Variants in SEC24A observed in about 807,000 individuals in gnomAD.
SEC24A encodes protein transport protein Sec24A.
Under a neutral mutation model 129.4 loss-of-function variants are expected in SEC24A, and 93 were observed. The observed-to-expected ratio is 0.72, with a 90% confidence interval of 0.61 to 0.85. The LOEUF is 0.85. Among genes scored for constraint, SEC24A ranks in the 40% least tolerant of loss-of-function variants. The probability of loss-of-function intolerance (pLI) is 0.00; values close to 1 mark genes in which losing one functional copy is unlikely to be tolerated. For synonymous variants in SEC24A, 460 were observed against 467.3 expected, an observed-to-expected ratio of 0.98 and a Z score of 0.20; for missense variants, 1,264 against 1,307.4, an observed-to-expected ratio of 0.97 and a Z score of 0.51.
intron 1 of SEC24A, among the ~76,000 whole-genome samples, chr5:134,653,485 A>G (rs1750135195): frequency 6.6e-6 from 1 of 151,886 alleles, no homozygotes; most frequent in Non-Finnish European, 1.5e-5. Context: ...TCCTGGACTC[A>G]AGTAATCCTC....
chr5:134,655,288 T>C (rs1316609522), intron 1 of SEC24A, among the ~76,000 whole-genome samples: 2 of 152,248 alleles, frequency 1.3e-5, no homozygotes, highest in African/African-American at 4.8e-5. Context: ...GAAGCACTCA[T>C]CTGCATTCAT....
rs112088844 is a variant in SEC24A at position 134,727,217 on chromosome 5, G to A, written c.*2123G>A. ...CTTGTATTACTTTTTGATGTAAAGC[G>A]ACTAATATTTACACTATGCCATATT... On this transcript the variant is annotated 3_prime_UTR_variant, in exon 23 of 23. Coordinates refer to ENST00000398844, the MANE Select transcript of SEC24A (RefSeq NM_021982.3). 2,527 of 152,332 alleles carry A rather than the reference G, an allele frequency of 0.017. 33 individuals are homozygous for A. The highest frequency in any genetic ancestry group is 0.041 in the Middle Eastern group (12 of 294). 9.4% of individuals were successfully genotyped at this position (152,332 alleles called of 1,614,324 possible).
At chr5:134,694,007 C>G in intron 13 of SEC24A, 74 bp downstream of exon 13, 1 of 1,273,222 alleles carries the variant, frequency 7.9e-7, no homozygotes, top group Non-Finnish European at 1.1e-6. Context: ...CTTGTTTTTT[C>G]TTTAAATTTA....
chr5:134,712,970 C>T (rs1348671900), intron 18 of SEC24A, among the ~76,000 whole-genome samples: 5 of 112,074 alleles, frequency 4.5e-5, no homozygotes, highest in South Asian at 6.0e-4. Flanking sequence ...CTCGCTCTGT[C>T]GCCTAGGCTG....
At chr5:134,706,012 C>T (rs186880958) in intron 17 of SEC24A, among the ~76,000 whole-genome samples, 14 of 151,846 alleles carry the variant, frequency 9.2e-5, no homozygotes, top group Admixed American at 2.6e-4. Context: ...CTCAGCGTCC[C>T]GAGTAGCTGG....
intron 13 of SEC24A, among the ~76,000 whole-genome samples, chr5:134,695,197 C>T (rs1751781620): frequency 6.6e-6 from 1 of 152,038 alleles, no homozygotes; most frequent in Non-Finnish European, 1.5e-5. Flanking sequence ...TAGTGAGACC[C>T]TGTCCCTACA....
rs373373118 is a variant in SEC24A at position 134,698,321 on chromosome 5, C to T, written c.2266+264C>T. Among the ~76,000 whole-genome samples the T allele has an allele frequency of 1.3e-4, 20 of 152,088 alleles. No homozygotes were observed. In the South Asian group the frequency reaches 2.1e-3, roughly 16 times the overall value. ...AGTTTTTTAAAAAAGACCTTATCTC[C>T]GGCTGGGCACAGTGGCTCATGCCTG... On this transcript the variant is annotated intron_variant, in intron 15 of 22. Coordinates refer to ENST00000398844, the MANE Select transcript of SEC24A (RefSeq NM_021982.3).
At chr5:134,665,710 C>T (rs977605577) in intron 2 of SEC24A, among the ~76,000 whole-genome samples, 13 of 152,068 alleles carry the variant, frequency 8.5e-5, no homozygotes, top group African/African-American at 3.1e-4. Flanking sequence ...GTGCCCACCA[C>T]CACACCTGGC....
chr5:134,674,111 C>T (rs571973739), intron 4 of SEC24A, among the ~76,000 whole-genome samples: 7 of 151,788 alleles, frequency 4.6e-5, no homozygotes, highest in East Asian at 1.9e-4. Flanking sequence ...CCAGCCTGGG[C>T]GACAGAGTGA....
rs547998304 is a variant in SEC24A at position 134,724,872 on chromosome 5, C to T, written c.3168-108C>T. ...TCTCAGAGAAAGCCTCTAGAAGTAA[C>T]TGTTTATATAGTAAATGTTATTAGG... On this transcript the variant is annotated intron_variant, in intron 22 of 22. Transcript: ENST00000398844. The T allele has an allele frequency of 1.2e-4, 80 of 644,356 alleles. No homozygotes were observed. The African/African-American group carries it at 1.4e-3, about 11-fold the overall frequency. The allele number at this position is 644,356 out of a possible 1,614,324, so 39.9% of individuals were successfully genotyped here. A position where few individuals can be genotyped will look rare whatever the true frequency, so the allele number is the denominator to read the frequency against.
At chr5:134,697,003 T>G in intron 13 of SEC24A, 123 bp from the exon 14 acceptor site, 1 of 547,972 alleles carries the variant, frequency 1.8e-6, no homozygotes, top group Non-Finnish European at 3.1e-6. Flanking sequence ...GAAAAGGACT[T>G]TGTAGAATGC....
chr5:134,697,033 T>G, intron 13 of SEC24A, 93 bp from the exon 14 acceptor site: 2 of 680,114 alleles, frequency 2.9e-6, no homozygotes, highest in Non-Finnish European at 4.7e-6. Context: ...ATTGCAATTG[T>G]TGTTAACATC....
Position 134,671,816 on chromosome 5 carries a change from A to G in SEC24A, c.747A>G (p.Thr249=), listed in dbSNP as rs372719326. The change falls in exon 4 of 23, where the codon ACA becomes ACG. Residue 249 remains threonine (T), a synonymous_variant. Transcript: ENST00000398844. ...GATGAACTTCCTTCTTAGGTATTAC[A>G]TCAAATACCAATAACGGATCTATGG... ...FNSAVNQEGI[T]SNTNNGSMVV... 41 of 1,593,848 alleles carry G rather than the reference A, an allele frequency of 2.6e-5. No individual in the cohort carries two copies. Among genetic ancestry groups the G allele is most frequent in the Admixed American group, 8.8e-5 (5 of 57,046 alleles).
Position 134,688,271 on chromosome 5 carries a change from T to G in SEC24A, c.1695T>G (p.Pro565=), listed in dbSNP as rs776687346. ...GTCTTCAGGAAAGTCTCTCTCAACCTCAGATGCTAATAGTTTCAGATATTG... is the reference window on the plus strand; with the variant it reads ...GTCTTCAGGAAAGTCTCTCTCAACCGCAGATGCTAATAGTTTCAGATATTG... ...FYGLQESLSQ[P]QMLIVSDIED... is the part of the protein sequence containing the mutation. The change falls in exon 11 of 23, where the codon CCT becomes CCG. Residue 565 remains proline (P), a synonymous_variant. Coordinates refer to ENST00000398844, the MANE Select transcript of SEC24A (RefSeq NM_021982.3). The G allele has an allele frequency of 6.3e-7, 1 of 1,596,376 alleles. No homozygotes were observed.
chr5:134,649,411 A>G, intron 1 of SEC24A: 1 of 407,250 alleles, frequency 2.5e-6, no homozygotes, highest in Non-Finnish European at 4.4e-6. Flanking sequence ...CACCTGCTGT[A>G]TGCAACGCCC....
At chr5:134,653,482 C>T (rs1750135095) in intron 1 of SEC24A, among the ~76,000 whole-genome samples, 1 of 151,918 alleles carries the variant, frequency 6.6e-6, no homozygotes, top group South Asian at 2.1e-4. Flanking sequence ...AACTCCTGGA[C>T]TCAAGTAATC....
chr5:134,661,560 C>A lies in SEC24A; in HGVS notation c.539C>A (p.Ser180Ter). ...NHQYVSSGYP[S>*]LQNSFIKSGP... ...CAATATGTTTCTTCTGGATATCCTT[C>A]ACTTCAAAATAGCTTCATAAAGTCA... The change falls in exon 2 of 23, where the codon TCA (serine) becomes TAA (stop). Residue 180 changes from serine to a stop codon, truncating the protein, a stop_gained. Coordinates refer to ENST00000398844, the MANE Select transcript of SEC24A (RefSeq NM_021982.3). LOFTEE classifies it high-confidence loss of function. 6.2e-7 allele frequency: 1 copy of A among 1,613,124 alleles called. No individual in the cohort carries two copies. Among genetic ancestry groups the A allele is most frequent in the Non-Finnish European group, 8.5e-7 (1 of 1,179,102 alleles).
At chr5:134,690,300 G>A (rs930613943) in intron 11 of SEC24A, among the ~76,000 whole-genome samples, 1 of 152,150 alleles carries the variant, frequency 6.6e-6, no homozygotes, top group African/African-American at 2.4e-5. Context: ...GATTACAGGT[G>A]TGAGTCACTG....
chr5:134,653,465 G>A (rs1265777485), intron 1 of SEC24A, among the ~76,000 whole-genome samples: 1 of 151,598 alleles, frequency 6.6e-6, no homozygotes, highest in Non-Finnish European at 1.5e-5. Context: ...TGCCCAGGAT[G>A]GTCTTGAACT....
Sources: allele counts gnomAD v4.1 joint callset (sites outside exome capture counted in the v4.1 genomes callset), GRCh38; gene constraint gnomAD v4.1.1; transcripts MANE v1.5; gene names NCBI Gene and HGNC (gene_info 2026-07-23, HGNC 2026-07-21).